EML6: variants seen among roughly 807,000 people sequenced by gnomAD.
EML6 encodes echinoderm microtubule-associated protein-like 6.
A neutral mutation model predicts 240.1 loss-of-function variants in EML6; 154 were observed. The ratio of observed to expected loss-of-function variants is 0.64; its 90% CI spans 0.56 to 0.73. The LOEUF is 0.73. Among genes scored for constraint, EML6 ranks in the 30% least tolerant of loss-of-function variants. The pLI is 0.00. For synonymous variants in EML6, 1,148 were observed against 899.0 expected, an observed-to-expected ratio of 1.28 and a Z score of -4.95; for missense variants, 2,964 against 2,474.6, an observed-to-expected ratio of 1.20 and a Z score of -4.20.
At chr2:54,806,830 C>T (rs747875375) in intron 2 of EML6, among the ~76,000 whole-genome samples, 1 of 151,870 alleles carries the variant, frequency 6.6e-6, no homozygotes. Flanking sequence ...TATTCCCATT[C>T]TTATGGATGA....
At chr2:54,900,337 C>T (rs1441559514) in intron 22 of EML6, among the ~76,000 whole-genome samples, 1 of 152,156 alleles carries the variant, frequency 6.6e-6, no homozygotes, top group African/African-American at 2.4e-5. Context: ...CAGAGATAGA[C>T]AGGACTTGAA....
At chr2:54,737,157 G>A (rs354235) in intron 2 of EML6, among the ~76,000 whole-genome samples, 7 of 151,934 alleles carry the variant, frequency 4.6e-5, no homozygotes, top group Non-Finnish European at 1.0e-4. Flanking sequence ...AGCAATGCAG[G>A]TATATAAGAG....
chr2:54,964,618 C>T lies in EML6; in HGVS notation c.5378C>T (p.Thr1793Ile). 6.4e-7 allele frequency: 1 copy of T among 1,552,400 alleles called. No homozygotes were observed. Among genetic ancestry groups the T allele is most frequent in the Non-Finnish European group, 8.7e-7 (1 of 1,147,114 alleles). ...RFLAVGSSEH[T>I]VDFYDLTQGT... is the part of the protein sequence containing the mutation. ...TTAGCCGTTGGTTCTTCTGAACACA[C>T]AGTTGACTTCTATGACCTCACTCAG... is the stretch of plus-strand genomic sequence containing the variant. The change falls in exon 38 of 42, where the codon ACA becomes ATA. Residue 1793 changes from threonine (T) to isoleucine (I), a missense_variant. Transcript: ENST00000356458.
intron 34 of EML6, among the ~76,000 whole-genome samples, chr2:54,959,500 G>A (rs1398856530): frequency 1.3e-5 from 2 of 152,156 alleles, no homozygotes; most frequent in Admixed American, 6.5e-5. Context: ...GGTGGTTCAC[G>A]CCTGTAATCT....
chr2:54,930,562 A>G (rs1674801469), intron 28 of EML6, among the ~76,000 whole-genome samples: 1 of 152,098 alleles, frequency 6.6e-6, no homozygotes, highest in African/African-American at 2.4e-5. Flanking sequence ...ATATTATGAA[A>G]TAGGGGTAGG....
rs1676954787 is a variant in EML6, at chr2:54,970,787, C to G, written c.*692C>G. ...TCAAAGCTGAGGAGGGCTGCAGGAC[C>G]CTTAGCAGATTCAGTGTGTCACCCT... is the stretch of plus-strand genomic sequence containing the variant. On this transcript the variant is annotated 3_prime_UTR_variant, in exon 42 of 42. Transcript: ENST00000356458. The G allele has an allele frequency of 1.3e-5, 2 of 152,484 alleles. No homozygotes were observed. The highest frequency in any genetic ancestry group is 4.1e-4 in the South Asian group (2 of 4,834). The allele number at this position is 152,484 out of a possible 1,614,324, so 9.4% of individuals were successfully genotyped here. A position where few individuals can be genotyped will look rare whatever the true frequency, so the allele number is the denominator to read the frequency against.
At chr2:54,843,914 A>G (rs1669604017) in intron 7 of EML6, 133 bp from the exon 8 acceptor site, 1 of 657,786 alleles carries the variant, frequency 1.5e-6, no homozygotes, top group Non-Finnish European at 2.6e-6. Flanking sequence ...AGTCTTTAAG[A>G]TGTGTCACAT....
At chr2:54,829,848 C>T (rs902741664) in intron 7 of EML6, among the ~76,000 whole-genome samples, 1 of 152,132 alleles carries the variant, frequency 6.6e-6, no homozygotes, top group South Asian at 2.1e-4. Context: ...TTTTAAATAG[C>T]TTTAAAGTAG....
chr2:54,905,321 GACACACACACACACACACACACAC>G (rs70944194), intron 24 of EML6, among the ~76,000 whole-genome samples: 157 of 121,654 alleles, frequency 1.3e-3, no homozygotes, highest in Middle Eastern at 4.1e-3. Context: ...TTTAGAATCC[GACACACACACACACACACACACAC>G]ACACACACAC....
chr2:54,757,792 C>T (rs755470700), intron 2 of EML6, among the ~76,000 whole-genome samples: 3 of 152,088 alleles, frequency 2.0e-5, no homozygotes, highest in Non-Finnish European at 2.9e-5. Flanking sequence ...TTTCTGACTT[C>T]CCCCTTCTTC....
At chr2:54,966,883 T>G in intron 38 of EML6, 117 bp from the exon 39 acceptor site, 1 of 626,822 alleles carries the variant, frequency 1.6e-6, no homozygotes, top group Non-Finnish European at 2.8e-6. Flanking sequence ...GAGCTTGGGT[T>G]TGGAGAAAAG....
chr2:54,850,134 A>T lies in EML6; in HGVS notation c.1360A>T (p.Ile454Phe). 1.3e-6 allele frequency: 2 copies of T among 1,551,936 alleles called. No homozygotes were observed. Among genetic ancestry groups the T allele is most frequent in the Non-Finnish European group, 1.7e-6 (2 of 1,146,964 alleles). ...AGAATGCAGCAAGTCCCTTAGTTTC[A>T]TCACGCATATTGACTGGTCCTTGGA... Reference protein sequence around the residue: ...IGECSKSLSFITHIDWSLDSK... With the variant: ...IGECSKSLSFFTHIDWSLDSK... Residue 454 changes from isoleucine (I) to phenylalanine (F), a missense_variant, in exon 10 of 42, where the codon ATC (isoleucine) becomes TTC (phenylalanine). By Grantham distance (21) the Ile-to-Phe change is conservative (BLOSUM62 0). Coordinates refer to ENST00000356458, the MANE Select transcript of EML6 (RefSeq NM_001039753.4).
intron 2 of EML6, among the ~76,000 whole-genome samples, chr2:54,807,382 A>G (rs556016023): frequency 3.9e-5 from 6 of 152,334 alleles, no homozygotes; most frequent in Non-Finnish European, 5.9e-5. Flanking sequence ...CGTTTTCTCA[A>G]TTTTATATAT....
chr2:54,789,540 A>G (rs1230167215), intron 2 of EML6, among the ~76,000 whole-genome samples: 7 of 142,612 alleles, frequency 4.9e-5, no homozygotes, highest in Admixed American at 7.0e-5. Flanking sequence ...AAAAAAAAAA[A>G]AAAAAAAAGA....
chr2:54,818,266 A>G (rs1461998547), intron 4 of EML6, among the ~76,000 whole-genome samples: 2 of 150,030 alleles, frequency 1.3e-5, no homozygotes, highest in African/African-American at 4.8e-5. Context: ...TTTATTGTTA[A>G]ATTATTACTG....
chr2:54,816,804 G>A lies in EML6; in HGVS notation c.375G>A (p.Gly125=), dbSNP rs953989776. 1.2e-4 allele frequency: 190 copies of A among 1,551,144 alleles called. No individual in the cohort carries two copies. Among genetic ancestry groups the A allele is most frequent in the Non-Finnish European group, 1.6e-4 (185 of 1,146,658 alleles). The change falls in exon 4 of 42, where the codon GGG becomes GGA. Residue 125 remains glycine, a synonymous_variant. Coordinates refer to ENST00000356458, the MANE Select transcript of EML6 (RefSeq NM_001039753.4). ...ATTCTTAGCGTTTAGCCTCTGTGGG[G>A]TTGGATGCCAAAAACACAGTCTGCA... is the stretch of plus-strand genomic sequence containing the variant. ...DSDGQRLASV[G]LDAKNTVCIW...
chr2:54,944,184 C>T lies in EML6; in HGVS notation c.4005-4698C>T, dbSNP rs548553748. ...GATTCCCAGGGTCATGTCACTGACT[C>T]CCATCTCTCAGTGGAACTTCCAACT... On this transcript the variant is annotated intron_variant, in intron 28 of 41. Transcript: ENST00000356458. Among the ~76,000 whole-genome samples, 55 of 152,234 alleles carry T rather than the reference C, an allele frequency of 3.6e-4. 1 individual carries two copies. The highest frequency in any genetic ancestry group is 1.2e-3 in the African/African-American group (50 of 41,520).
At chr2:54,866,392 T>G (rs1670972350) in intron 13 of EML6, among the ~76,000 whole-genome samples, 2 of 152,166 alleles carry the variant, frequency 1.3e-5, no homozygotes. Flanking sequence ...CAGGAGAAAA[T>G]TGTCATGACT....
intron 2 of EML6, among the ~76,000 whole-genome samples, chr2:54,766,067 T>C (rs1668176173): frequency 6.6e-6 from 1 of 152,164 alleles, no homozygotes; most frequent in Non-Finnish European, 1.5e-5. Flanking sequence ...TTTTCCTTCA[T>C]CTATCCACAT....
Sources: gnomAD v4.1 joint callset for allele counts (sites outside exome capture counted in the v4.1 genomes callset) on GRCh38, gnomAD v4.1.1 for gene constraint, MANE v1.5 for transcripts, NCBI Gene and HGNC (gene_info 2026-07-23, HGNC 2026-07-21) for gene names.